The following CDH13 variants were observed in gnomAD, a reference collection of about 807,000 sequenced individuals.
The protein encoded by CDH13 is cadherin-13.
Under a neutral mutation model 63.8 loss-of-function variants are expected in CDH13, and 24 were observed. That is an observed-to-expected ratio of 0.38 (90% CI 0.27 to 0.53). The LOEUF is 0.53. Ranked by LOEUF, CDH13 falls within the 20% of genes least tolerant of loss-of-function variation. CDH13 has a pLI of 0.85. For missense variants in CDH13, 1,049 were observed against 903.1 expected, an observed-to-expected ratio of 1.16 and a Z score of -2.07; for synonymous variants, 503 against 355.3, an observed-to-expected ratio of 1.42 and a Z score of -4.67.
chr16:83,035,171 T>C (rs773960163), intron 3 of CDH13, among the ~76,000 whole-genome samples: 1 of 152,140 alleles, frequency 6.6e-6, no homozygotes, highest in Non-Finnish European at 1.5e-5. Flanking sequence ...CATACCTCAA[T>C]GGATATGCAC....
At chr16:82,936,381 C>T (rs1010645282) in intron 2 of CDH13, among the ~76,000 whole-genome samples, 45 of 152,200 alleles carry the variant, frequency 3.0e-4, no homozygotes, top group Admixed American at 2.7e-3. Flanking sequence ...TTGTACATGC[C>T]AGGGATCTAG....
At chr16:82,997,644 G>C (rs1003031295) in intron 2 of CDH13, among the ~76,000 whole-genome samples, 1 of 152,048 alleles carries the variant, frequency 6.6e-6, no homozygotes, top group Non-Finnish European at 1.5e-5. Flanking sequence ...TCTTATCCCT[G>C]TTCTATAGGT....
intron 3 of CDH13, among the ~76,000 whole-genome samples, chr16:83,048,655 C>G (rs999078068): frequency 6.6e-6 from 1 of 152,084 alleles, no homozygotes; most frequent in South Asian, 2.1e-4. Context: ...AACTCCTTTC[C>G]TCCCTCTCAG....
At position 82,880,814 on chromosome 16, in the gene CDH13, C is replaced by T. The variant is rs569043108; in HGVS notation, c.157+22341C>T. The stretch of plus-strand genomic sequence containing the variant: ...TTTATGATACCAAGGCAAAGAACAT[C>T]TTTAAGAAAATTTAGATACAACTCC... On this transcript the variant is annotated intron_variant, in intron 2 of 13. Coordinates refer to ENST00000567109, the MANE Select transcript of CDH13 (RefSeq NM_001257.5). Among the ~76,000 whole-genome samples, 4 of 152,292 alleles carry T rather than the reference C, an allele frequency of 2.6e-5. No homozygotes were observed. The East Asian group carries it at 7.7e-4, about 29-fold the overall frequency.
At chr16:83,206,998 A>T (rs190339025) in intron 4 of CDH13, among the ~76,000 whole-genome samples, 63 of 152,244 alleles carry the variant, frequency 4.1e-4, no homozygotes, top group African/African-American at 1.5e-3. Flanking sequence ...CAGATCTGGA[A>T]AGCAACATAA....
At chr16:83,471,447 T>C (rs1044854059) in intron 6 of CDH13, among the ~76,000 whole-genome samples, 1 of 152,158 alleles carries the variant, frequency 6.6e-6, no homozygotes, top group Non-Finnish European at 1.5e-5. Context: ...GCTAATTTTT[T>C]GTATTTTTAG....
intron 10 of CDH13, among the ~76,000 whole-genome samples, chr16:83,705,616 C>T (rs1002537788): frequency 2.6e-5 from 4 of 152,006 alleles, no homozygotes; most frequent in Admixed American, 2.6e-4. Context: ...AGGGAGACTC[C>T]GTCTCAAAAG....
intron 4 of CDH13, among the ~76,000 whole-genome samples, chr16:83,203,037 C>A (rs1057350015): frequency 6.6e-6 from 1 of 151,350 alleles, no homozygotes; most frequent in African/African-American, 2.4e-5. Context: ...ACCAGCCTGA[C>A]CACCATGGAG....
At chr16:83,098,242 T>C (rs1470789924) in intron 3 of CDH13, among the ~76,000 whole-genome samples, 1 of 152,210 alleles carries the variant, frequency 6.6e-6, no homozygotes, top group Non-Finnish European at 1.5e-5. Context: ...ATTATAGCAT[T>C]TCATATATGG....
At chr16:83,705,578 C>T (rs923286167) in intron 10 of CDH13, among the ~76,000 whole-genome samples, 21 of 152,242 alleles carry the variant, frequency 1.4e-4, no homozygotes, top group African/African-American at 4.8e-4. Context: ...GCCGAGATCA[C>T]GCCACTGCAC....
At chr16:83,375,425 A>T (rs1223447947) in intron 6 of CDH13, among the ~76,000 whole-genome samples, 1 of 152,210 alleles carries the variant, frequency 6.6e-6, no homozygotes, top group Non-Finnish European at 1.5e-5. Context: ...ATATTTGTAG[A>T]TTAAAAATTG....
chr16:83,744,584 G>T (rs566553274), intron 10 of CDH13, among the ~76,000 whole-genome samples: 1 of 152,180 alleles, frequency 6.6e-6, no homozygotes, highest in East Asian at 1.9e-4. Context: ...CTGCTGAGTC[G>T]GATGTTTCTG....
chr16:82,734,948 A>G (rs949694360), intron 1 of CDH13, among the ~76,000 whole-genome samples: 2 of 152,194 alleles, frequency 1.3e-5, no homozygotes, highest in Admixed American at 6.5e-5. Context: ...CACAATGTCC[A>G]GCACATAGAG....
At chr16:83,059,345 A>G (rs1450204263) in intron 3 of CDH13, among the ~76,000 whole-genome samples, 1 of 152,130 alleles carries the variant, frequency 6.6e-6, no homozygotes, top group African/African-American at 2.4e-5. Flanking sequence ...CCTTCTGTTT[A>G]GAACAAGTTC....
At chr16:82,772,823 C>T (rs2035324842) in intron 1 of CDH13, among the ~76,000 whole-genome samples, 1 of 152,140 alleles carries the variant, frequency 6.6e-6, no homozygotes, top group Non-Finnish European at 1.5e-5. Flanking sequence ...AATCTGACTC[C>T]AAATGCAAAG....
intron 5 of CDH13, among the ~76,000 whole-genome samples, chr16:83,323,176 TTC>T (rs369563617): frequency 0.23 from 16,816 of 71,684 alleles, 1,309 homozygotes; most frequent in South Asian, 0.26. Context: ...TCTTTCTTTT[TTC>T]TTTCTTTCTT....
At chr16:82,963,695 C>G (rs1291799574) in intron 2 of CDH13, among the ~76,000 whole-genome samples, 1 of 152,182 alleles carries the variant, frequency 6.6e-6, no homozygotes, top group Non-Finnish European at 1.5e-5. Context: ...ATCCTCAACA[C>G]CTGTTACAAT....
chr16:83,259,372 G>C (rs752662963), intron 5 of CDH13, among the ~76,000 whole-genome samples: 3 of 152,104 alleles, frequency 2.0e-5, no homozygotes, highest in Non-Finnish European at 2.9e-5. Flanking sequence ...AGGTTAGATG[G>C]TGCTGCTTGG....
intron 8 of CDH13, among the ~76,000 whole-genome samples, chr16:83,658,268 CGT>C (rs1913074537): frequency 1.5e-5 from 2 of 136,570 alleles, no homozygotes; most frequent in African/African-American, 2.7e-5. Flanking sequence ...CACCAGGTCC[CGT>C]ATCCTCACCA....
Sources: gnomAD v4.1 joint callset for allele counts (sites outside exome capture counted in the v4.1 genomes callset) on GRCh38, gnomAD v4.1.1 for gene constraint, MANE v1.5 for transcripts, NCBI Gene and HGNC (gene_info 2026-07-23, HGNC 2026-07-21) for gene names.